KCNH1: variants seen among roughly 807,000 people sequenced by gnomAD.
The protein encoded by KCNH1 is potassium voltage-gated channel subfamily H member 1.
Under a neutral mutation model 69.2 loss-of-function variants are expected in KCNH1, and 27 were observed. The ratio of observed to expected loss-of-function variants is 0.39; its 90% CI spans 0.29 to 0.54. The LOEUF (loss-of-function observed/expected upper bound fraction) is 0.54, where lower values mean the gene tolerates loss of function less well. KCNH1 is among the 20% of genes least tolerant of loss of function. The pLI is 0.68. For missense variants in KCNH1, 798 were observed against 1,261.6 expected (o/e 0.63, Z 5.57); for synonymous variants, 456 against 487.7 (o/e 0.93, Z 0.86).
At chr1:210,898,541 G>A (rs1686920629) in intron 7 of KCNH1, among the ~76,000 whole-genome samples, 1 of 152,200 alleles carries the variant, frequency 6.6e-6, no homozygotes, top group Non-Finnish European at 1.5e-5. Flanking sequence ...ACAGTCCAGA[G>A]AGTGAACTGG....
At chr1:210,808,721 C>A (rs1684637985) in intron 7 of KCNH1, among the ~76,000 whole-genome samples, 1 of 152,040 alleles carries the variant, frequency 6.6e-6, no homozygotes, top group Non-Finnish European at 1.5e-5. Flanking sequence ...AGGGGGATTA[C>A]ATGTTTTTCA....
chr1:210,996,573 CAA>C (rs1054118556), intron 6 of KCNH1, among the ~76,000 whole-genome samples: 21 of 152,210 alleles, frequency 1.4e-4, no homozygotes, highest in African/African-American at 3.1e-4. Context: ...CACAGACAAA[CAA>C]AAAGACAGCA....
intron 7 of KCNH1, among the ~76,000 whole-genome samples, chr1:210,828,512 C>T (rs991824217): frequency 1.3e-5 from 2 of 152,082 alleles, no homozygotes; most frequent in Non-Finnish European, 2.9e-5. Flanking sequence ...CCCATTCCAC[C>T]CCATCCCCAC....
intron 7 of KCNH1, among the ~76,000 whole-genome samples, chr1:210,831,878 T>C (rs1685166782): frequency 6.6e-6 from 1 of 152,216 alleles, no homozygotes; most frequent in Non-Finnish European, 1.5e-5. Flanking sequence ...GATTGAGATG[T>C]ACTGTATCTA....
chr1:210,779,840 C>T (rs892750599), intron 9 of KCNH1, among the ~76,000 whole-genome samples: 1 of 152,184 alleles, frequency 6.6e-6, no homozygotes, highest in East Asian at 1.9e-4. Context: ...GCTGTCTTTA[C>T]TGAACCTCCA....
At chr1:211,040,146 G>A (rs371020256) in intron 5 of KCNH1, among the ~76,000 whole-genome samples, 81 of 149,626 alleles carry the variant, frequency 5.4e-4, no homozygotes, top group African/African-American at 1.8e-3. Flanking sequence ...AGCCAAGATC[G>A]TGCCACTGCA....
At chr1:210,853,744 C>T (rs1431597599) in intron 7 of KCNH1, among the ~76,000 whole-genome samples, 1 of 152,056 alleles carries the variant, frequency 6.6e-6, no homozygotes, top group Non-Finnish European at 1.5e-5. Context: ...CAAATGGATC[C>T]ATTGTTAGTC....
intron 7 of KCNH1, among the ~76,000 whole-genome samples, chr1:210,855,713 T>C (rs1305527683): frequency 1.3e-5 from 2 of 152,162 alleles, no homozygotes; most frequent in East Asian, 3.9e-4. Context: ...TGCCTTTCTA[T>C]AGCAGAGTGT....
At chr1:211,062,677 G>A (rs906372950) in intron 5 of KCNH1, among the ~76,000 whole-genome samples, 5 of 152,058 alleles carry the variant, frequency 3.3e-5, no homozygotes, top group East Asian at 1.9e-4. Context: ...CTCAAAAGAC[G>A]ACATACAAAT....
At chr1:211,108,927 C>T (rs1374544330) in intron 1 of KCNH1, among the ~76,000 whole-genome samples, 1 of 152,122 alleles carries the variant, frequency 6.6e-6, no homozygotes, top group Non-Finnish European at 1.5e-5. Context: ...AAGAAATGGT[C>T]CCTGCACTCA....
At chr1:210,949,312 G>A (rs1265163280) in intron 6 of KCNH1, among the ~76,000 whole-genome samples, 3 of 152,092 alleles carry the variant, frequency 2.0e-5, no homozygotes. Flanking sequence ...TACACATCTT[G>A]CTTATTCCTC....
chr1:210,915,645 AC>A (rs1687319904), intron 7 of KCNH1, among the ~76,000 whole-genome samples: 1 of 152,204 alleles, frequency 6.6e-6, no homozygotes, highest in Non-Finnish European at 1.5e-5. Flanking sequence ...ATTGTAGGTC[AC>A]CTAAATCCGC....
At chr1:211,127,598 T>A (rs1156324487) in intron 1 of KCNH1, among the ~76,000 whole-genome samples, 1 of 152,212 alleles carries the variant, frequency 6.6e-6, no homozygotes, top group African/African-American at 2.4e-5. Context: ...CAAGTTTTGT[T>A]TTCATTTAAT....
chr1:210,965,612 T>C (rs747808462), intron 6 of KCNH1, among the ~76,000 whole-genome samples: 6 of 152,026 alleles, frequency 3.9e-5, no homozygotes, highest in Non-Finnish European at 5.9e-5. Flanking sequence ...AGTCAAATCT[T>C]GAGAGAACTC....
In KCNH1 at chr1:210,792,927, G is replaced by C. The variant is rs543906860; in HGVS notation, c.1915+4581C>G. On this transcript the variant is annotated intron_variant, in intron 9 of 10. Transcript: ENST00000271751. ...TGTTGGTGAGTCACACAGTAACACA[G>C]AATACCAAGATAACTACTTATATGC... is the stretch of plus-strand genomic sequence containing the variant. 5.9e-5 allele frequency among the ~76,000 whole-genome samples: 9 copies of C among 152,224 alleles called. No individual in the cohort carries two copies. The South Asian group carries it at 1.5e-3, about 25-fold the overall frequency.
chr1:210,752,501 G>A (rs1473224863), intron 10 of KCNH1, among the ~76,000 whole-genome samples: 1 of 152,220 alleles, frequency 6.6e-6, no homozygotes, highest in African/African-American at 2.4e-5. Context: ...CAAAGGAACT[G>A]TCAATTAACC....
chr1:210,948,090 T>C (rs1042078047), intron 6 of KCNH1, among the ~76,000 whole-genome samples: 6 of 149,740 alleles, frequency 4.0e-5, no homozygotes, highest in Non-Finnish European at 7.4e-5. Flanking sequence ...TGGTGGTACA[T>C]GCCTGTGGTC....
At chr1:210,834,184 G>T (rs1482646460) in intron 7 of KCNH1, among the ~76,000 whole-genome samples, 1 of 151,594 alleles carries the variant, frequency 6.6e-6, no homozygotes, top group Non-Finnish European at 1.5e-5. Flanking sequence ...CCCATTACTG[G>T]GTATATACCC....
chr1:210,977,815 T>C (rs1038553937), intron 6 of KCNH1, among the ~76,000 whole-genome samples: 2 of 152,152 alleles, frequency 1.3e-5, no homozygotes, highest in Non-Finnish European at 2.9e-5. Context: ...ATTTACAGGG[T>C]ACAGTGTGAT....
Sources: gnomAD v4.1 joint callset for allele counts (sites outside exome capture counted in the v4.1 genomes callset) on GRCh38, gnomAD v4.1.1 for gene constraint, MANE v1.5 for transcripts, NCBI Gene and HGNC (gene_info 2026-07-23, HGNC 2026-07-21) for gene names.